Variants in USP32 observed in about 807,000 individuals in gnomAD.
USP32 encodes ubiquitin specific peptidase 32.
USP32 carries 59 observed loss-of-function variants against 204.8 expected under a neutral mutation model. The observed-to-expected ratio is 0.29, with a 90% confidence interval of 0.23 to 0.36. The LOEUF is 0.36. Among genes scored for constraint, USP32 ranks in the 10% least tolerant of loss-of-function variants. The pLI is 1.00. For synonymous variants in USP32, 517 were observed against 678.4 expected, an observed-to-expected ratio of 0.76 and a Z score of 3.70; for missense variants, 1,160 against 1,946.4, an observed-to-expected ratio of 0.60 and a Z score of 7.60.
At chr17:60,388,045 T>C (rs1406701185) in intron 1 of USP32, among the ~76,000 whole-genome samples, 1 of 152,112 alleles carries the variant, frequency 6.6e-6, no homozygotes, top group Non-Finnish European at 1.5e-5. Flanking sequence ...GGGTCTTGGT[T>C]ATCCATTTCC....
chr17:60,379,887 T>C (rs573517507), intron 1 of USP32, among the ~76,000 whole-genome samples: 1 of 152,320 alleles, frequency 6.6e-6, no homozygotes, highest in South Asian at 2.1e-4. Flanking sequence ...ATCAAGCATA[T>C]GCTAAATTTG....
chr17:60,289,524 T>A (rs2087215895), intron 4 of USP32, among the ~76,000 whole-genome samples: 1 of 152,352 alleles, frequency 6.6e-6, no homozygotes, highest in East Asian at 1.9e-4. Context: ...AAAACATGTA[T>A]GTACACAGAG....
At chr17:60,380,449 T>A (rs1428800834) in intron 1 of USP32, among the ~76,000 whole-genome samples, 1 of 152,034 alleles carries the variant, frequency 6.6e-6, no homozygotes, top group African/African-American at 2.4e-5. Context: ...ACACCTGTAG[T>A]CCCAGCTGCT....
chr17:60,294,981 C>T (rs1195512832), intron 3 of USP32, among the ~76,000 whole-genome samples, 180 bp from the exon 4 acceptor site: 1 of 152,120 alleles, frequency 6.6e-6, no homozygotes, highest in Non-Finnish European at 1.5e-5. Flanking sequence ...AGTGTAGTAT[C>T]TTTTCAAACA....
intron 1 of USP32, among the ~76,000 whole-genome samples, chr17:60,373,217 T>A (rs1388815512): frequency 6.6e-6 from 1 of 151,944 alleles, no homozygotes; most frequent in Non-Finnish European, 1.5e-5. Flanking sequence ...AATCTTTTTT[T>A]AAAAAAGGTA....
At chr17:60,222,320 T>C in intron 15 of USP32, 89 bp downstream of exon 15, 1 of 1,444,448 alleles carries the variant, frequency 6.9e-7, no homozygotes, top group Non-Finnish European at 9.5e-7. Flanking sequence ...AAGAGCTACT[T>C]TGTGGTTAGT....
chr17:60,421,561 G>A, intron 1 of USP32: 1 of 985,516 alleles, frequency 1.0e-6, no homozygotes, highest in Non-Finnish European at 1.2e-6. Flanking sequence ...CCTAGTTTCA[G>A]GGAAGAAAAG....
intron 7 of USP32, among the ~76,000 whole-genome samples, chr17:60,269,121 C>A (rs952960008): frequency 6.6e-6 from 1 of 152,234 alleles, no homozygotes; most frequent in East Asian, 1.9e-4. Flanking sequence ...ATGTAAGACA[C>A]AAAATTCTAC....
In USP32 at chr17:60,208,918, A is replaced by T. The variant is rs1317764323; in HGVS notation, c.2599-90T>A. 6 of 1,360,532 alleles carry T rather than the reference A, an allele frequency of 4.4e-6. No homozygotes were observed. In the Admixed American group the frequency reaches 8.6e-5, roughly 20 times the overall value. 84.3% of individuals were successfully genotyped at this position (1,360,532 alleles called of 1,614,324 possible). A position where few individuals can be genotyped will look rare whatever the true frequency, so the allele number is the denominator to read the frequency against. ...CAAAGAAGCTAGTTAAATATATTGGATTTAAATGTAAAGAATATAATCCTT... is the reference window on the plus strand; with the variant it reads ...CAAAGAAGCTAGTTAAATATATTGGTTTTAAATGTAAAGAATATAATCCTT... On this transcript the variant is annotated intron_variant, in intron 22 of 33. Coordinates refer to ENST00000300896, the MANE Select transcript of USP32 (RefSeq NM_032582.4).
At chr17:60,418,838 G>A (rs569079366) in intron 1 of USP32, among the ~76,000 whole-genome samples, 7 of 152,136 alleles carry the variant, frequency 4.6e-5, no homozygotes, top group Non-Finnish European at 7.4e-5. Flanking sequence ...CAGTCAGAAT[G>A]ATGATGATTA....
Position 60,308,292 on chromosome 17 carries a change from G to C in USP32, c.187-6588C>G, listed in dbSNP as rs2087776204. 2.6e-5 allele frequency among the ~76,000 whole-genome samples: 4 copies of C among 152,052 alleles called. No homozygotes were observed. In the South Asian group the frequency reaches 8.3e-4, roughly 32 times the overall value. On this transcript the variant is annotated intron_variant, in intron 2 of 33. Transcript: ENST00000300896. ...GCACACATTAACACAAACGCACTGG[G>C]GCTTCAGGAGCTGTAAACAGTCACC...
chr17:60,231,428 C>T (rs563936614), intron 12 of USP32: 27 of 389,536 alleles, frequency 6.9e-5, no homozygotes, highest in South Asian at 5.2e-4. Flanking sequence ...CAGCTTTGGG[C>T]AATTATAAAA....
At chr17:60,356,209 A>C (rs893605224) in intron 1 of USP32, among the ~76,000 whole-genome samples, 1 of 152,154 alleles carries the variant, frequency 6.6e-6, no homozygotes, top group African/African-American at 2.4e-5. Context: ...CAACTATATA[A>C]CTTCACAGCT....
upstream of USP32, among the ~76,000 whole-genome samples, chr17:60,396,187 C>T (rs945762802): frequency 3.3e-5 from 5 of 149,726 alleles, no homozygotes; most frequent in Non-Finnish European, 7.4e-5. Flanking sequence ...AAGCAATCCT[C>T]CCACCTCAGC....
intron 11 of USP32, among the ~76,000 whole-genome samples, chr17:60,252,036 T>C (rs1014746328): frequency 6.6e-6 from 1 of 152,064 alleles, no homozygotes; most frequent in Non-Finnish European, 1.5e-5. Context: ...ATCTATAAAT[T>C]ATCTATAAAA....
At chr17:60,347,709 A>T (rs1255760367) in intron 1 of USP32, among the ~76,000 whole-genome samples, 1 of 150,024 alleles carries the variant, frequency 6.7e-6, no homozygotes, top group Admixed American at 6.7e-5. Context: ...GCTGGTCTTG[A>T]TCTCCTGACC....
intron 4 of USP32, among the ~76,000 whole-genome samples, chr17:60,290,676 A>C (rs941003428): frequency 6.6e-6 from 1 of 152,090 alleles, no homozygotes; most frequent in African/African-American, 2.4e-5. Flanking sequence ...AAAGTGATAA[A>C]TGACTCTGCA....
intron 1 of USP32, among the ~76,000 whole-genome samples, chr17:60,405,101 G>A (rs889828930): frequency 6.6e-6 from 1 of 152,164 alleles, no homozygotes; most frequent in Non-Finnish European, 1.5e-5. Context: ...GGAGGTAGAG[G>A]CTGCAGTGAC....
chr17:60,295,818 AC>A (rs1316133789), intron 3 of USP32, among the ~76,000 whole-genome samples: 1 of 152,202 alleles, frequency 6.6e-6, no homozygotes, highest in Non-Finnish European at 1.5e-5. Context: ...TATCATAGAT[AC>A]ATATGTATAG....
Sources: allele counts gnomAD v4.1 joint callset (sites outside exome capture counted in the v4.1 genomes callset), GRCh38; gene constraint gnomAD v4.1.1; transcripts MANE v1.5; gene names NCBI Gene and HGNC (gene_info 2026-07-23, HGNC 2026-07-21).